The following OTUD4 variants were observed in gnomAD, a reference collection of about 807,000 sequenced individuals.
OTUD4 encodes the protein OTU domain-containing protein 4.
OTUD4 carries 24 observed loss-of-function variants against 130.4 expected under a neutral mutation model. The observed-to-expected ratio is 0.18, with a 90% confidence interval of 0.13 to 0.26. OTUD4 has a LOEUF of 0.26. OTUD4 is among the 10% of genes least tolerant of loss of function. OTUD4 has a pLI of 1.00. For synonymous variants in OTUD4, 420 were observed against 472.5 expected (o/e 0.89, Z 1.44); for missense variants, 1,031 against 1,329.4 (o/e 0.78, Z 3.49).
Position 145,137,838 on chromosome 4 carries a change from A to G in OTUD4, c.2937T>C (p.Leu979=), listed in dbSNP as rs748097244. The G allele has an allele frequency of 1.2e-6, 2 of 1,614,038 alleles. No individual in the cohort carries two copies. The highest frequency in any genetic ancestry group is 2.2e-5 in the South Asian group (2 of 91,080). The change falls in exon 21 of 21, where the codon CTT becomes CTC. Residue 979 remains leucine, a synonymous_variant. Coordinates refer to ENST00000447906, the MANE Select transcript of OTUD4 (RefSeq NM_001366057.1). ...GGCTTTGAATGGTCCTTTTAGGTTC[A>G]AGTTCAACAGGCACAGTTTCTCTCT... is the stretch of plus-strand genomic sequence containing the variant. The part of the protein sequence containing the change: ...NRERETVPVE[L]EPKRTIQSLK...
Position 145,134,191 on chromosome 4 carries a change from C to T in OTUD4, c.*3239G>A, listed in dbSNP as rs1245014238. The T allele has an allele frequency of 6.6e-6, 1 of 152,510 alleles. No homozygotes were observed. 9.4% of individuals were successfully genotyped at this position (152,510 alleles called of 1,614,324 possible). ...ACATTAGTAGCAAAACCTTAGTTATCTGAAAATAACATATTGGAAATGAGA... is the reference window on the plus strand; with the variant it reads ...ACATTAGTAGCAAAACCTTAGTTATTTGAAAATAACATATTGGAAATGAGA... On this transcript the variant is annotated 3_prime_UTR_variant, in exon 21 of 21. Transcript: ENST00000447906.
chr4:145,148,479 A>C (rs180952948), intron 13 of OTUD4, among the ~76,000 whole-genome samples: 134 of 152,092 alleles, frequency 8.8e-4, no homozygotes, highest in Middle Eastern at 3.4e-3. Context: ...AGCCTGGGCA[A>C]CAAGAGTGAA....
Position 145,178,097 on chromosome 4 carries a change from C to G in OTUD4, c.159+1718G>C, listed in dbSNP as rs1752512768. 2.0e-5 allele frequency: 3 copies of G among 152,272 alleles called. No individual in the cohort carries two copies. In the South Asian group the frequency reaches 6.2e-4, roughly 32 times the overall value. The allele number at this position is 152,272 out of a possible 1,614,324, so 9.4% of individuals were successfully genotyped here. A position where few individuals can be genotyped will look rare whatever the true frequency, so the allele number is the denominator to read the frequency against. On this transcript the variant is annotated intron_variant, in intron 1 of 20. Transcript: ENST00000447906. ...GGTAGTCCCTTATGCCTAACCTAAACCCCATTACAAAATACAATAAAATGT... is the reference window on the plus strand; with the variant it reads ...GGTAGTCCCTTATGCCTAACCTAAAGCCCATTACAAAATACAATAAAATGT...
Position 145,136,363 on chromosome 4 carries a change from G to T in OTUD4, c.*1067C>A, listed in dbSNP as rs1384703745. On this transcript the variant is annotated 3_prime_UTR_variant, in exon 21 of 21. Transcript: ENST00000447906. ...TTTTCTAGCAGCATCCTCTAGAAAA[G>T]AACTAGAAGTCACAATCATATTATC... 1.4e-5 allele frequency: 2 copies of T among 145,838 alleles called. No individual in the cohort carries two copies. Among genetic ancestry groups the T allele is most frequent in the African/African-American group, 5.2e-5 (2 of 38,548 alleles). 9.0% of individuals were successfully genotyped at this position (145,838 alleles called of 1,614,324 possible). A position where few individuals can be genotyped will look rare whatever the true frequency, so the allele number is the denominator to read the frequency against.
At chr4:145,159,041 G>T in intron 7 of OTUD4, 1 of 397,718 alleles carries the variant, frequency 2.5e-6, no homozygotes, top group Non-Finnish European at 3.5e-6. Context: ...CCTACACAGA[G>T]GCATTATCCA....
At chr4:145,153,006 A>G (rs1458125774) in intron 10 of OTUD4, among the ~76,000 whole-genome samples, 2 of 151,992 alleles carry the variant, frequency 1.3e-5, no homozygotes, top group Non-Finnish European at 2.9e-5. Flanking sequence ...AAGTGCTGGG[A>G]TTACAGGCGT....
chr4:145,144,461 T>C, intron 14 of OTUD4, 27 bp from the exon 15 acceptor site: 1 of 1,601,066 alleles, frequency 6.2e-7, no homozygotes, highest in Non-Finnish European at 8.5e-7. Flanking sequence ...ACCCAACATT[T>C]TGTGTTAAAG....
chr4:145,161,989 T>C (rs924464622), intron 6 of OTUD4, among the ~76,000 whole-genome samples: 3 of 152,184 alleles, frequency 2.0e-5, no homozygotes, highest in African/African-American at 4.8e-5. Flanking sequence ...TTGCTTCACT[T>C]TGAAACAAGG....
chr4:145,152,147 G>A (rs978588620), intron 11 of OTUD4, among the ~76,000 whole-genome samples: 6 of 152,082 alleles, frequency 3.9e-5, no homozygotes, highest in Middle Eastern at 3.4e-3. Context: ...TTTTTAAGAC[G>A]AAGTCTAGCT....
chr4:145,170,665 A>G (rs1216480814), intron 3 of OTUD4: 1 of 152,224 alleles, frequency 6.6e-6, no homozygotes, highest in African/African-American at 2.4e-5. Flanking sequence ...TTCTTGGCCC[A>G]TAACAAGCAC....
intron 7 of OTUD4, 31 bp from the exon 8 acceptor site, chr4:145,156,027 G>A (rs1178982885): frequency 1.9e-6 from 3 of 1,577,644 alleles, no homozygotes; most frequent in Non-Finnish European, 2.6e-6. Flanking sequence ...AATTGGGGCA[G>A]AAAAAGGTAT....
chr4:145,138,358 C>T lies in OTUD4; in HGVS notation c.2417G>A (p.Gly806Glu). ...IPPSQVSESH[G>E]QLSYQADLES... ...AAGATCAGCCTGGTAAGACAATTGTCCATGACTTTCAGACACCTGAGATGG... is the reference window on the plus strand; with the variant it reads ...AAGATCAGCCTGGTAAGACAATTGTTCATGACTTTCAGACACCTGAGATGG... Residue 806 changes from glycine (G) to glutamate (E), a missense_variant, in exon 21 of 21, where the codon GGA becomes GAA. Gly to Glu is a moderately conservative substitution (Grantham distance 98). Around this residue, in one of 3 missense-constraint regions of OTUD4, gnomAD observed 900 missense variants for 1,095.9 expected, o/e 0.82. Transcript: ENST00000447906. 6.2e-7 allele frequency: 1 copy of T among 1,614,146 alleles called. No homozygotes were observed. The highest frequency in any genetic ancestry group is 8.5e-7 in the Non-Finnish European group (1 of 1,179,994).
At chr4:145,178,042 A>G (rs1156855401) in intron 1 of OTUD4, 1 of 152,254 alleles carries the variant, frequency 6.6e-6, no homozygotes, top group Non-Finnish European at 1.5e-5. Context: ...TAAGCTCATC[A>G]GACTAAAACT....
chr4:145,158,495 A>G (rs1431546418), intron 7 of OTUD4, among the ~76,000 whole-genome samples: 1 of 151,692 alleles, frequency 6.6e-6, no homozygotes, highest in Non-Finnish European at 1.5e-5. Flanking sequence ...AACAAAACAA[A>G]ACAAAACAAA....
chr4:145,139,980 G>T lies in OTUD4; in HGVS notation c.2095C>A (p.Leu699Ile). 1.2e-6 allele frequency: 1 copy of T among 813,542 alleles called. No homozygotes were observed. The highest frequency in any genetic ancestry group is 1.6e-5 in the South Asian group (1 of 63,010). 50.4% of individuals were successfully genotyped at this position (813,542 alleles called of 1,614,324 possible). A position where few individuals can be genotyped will look rare whatever the true frequency, so the allele number is the denominator to read the frequency against. Reference protein sequence around the residue: ...GEDLPKDKNILRFFFNLGVKA... With the variant: ...GEDLPKDKNIIRFFFNLGVKA... ...ACACCAAGATTGAAGAAGAATCGAA[G>T]AATATTCTTATCTAAAAATAAAAGT... The change falls in exon 20 of 21, where the codon CTT becomes ATT. Residue 699 changes from leucine (L) to isoleucine (I), a missense_variant. Coordinates refer to ENST00000447906, the MANE Select transcript of OTUD4 (RefSeq NM_001366057.1).
intron 1 of OTUD4, chr4:145,178,665 G>A (rs991519326): frequency 6.6e-6 from 1 of 152,136 alleles, no homozygotes. Flanking sequence ...GTTTGTGTCC[G>A]TTAAATCAAT....
Position 145,138,130 on chromosome 4 carries a change from A to C in OTUD4, c.2645T>G (p.Leu882Arg). The change falls in exon 21 of 21, where the codon CTG becomes CGG. Residue 882 changes from leucine (L) to arginine (R), a missense_variant. Around this residue, in one of 3 missense-constraint regions of OTUD4, gnomAD observed 900 missense variants for 1,095.9 expected, o/e 0.82. Transcript: ENST00000447906. ...ENPVMRQNIV[L>R]PSDEKGELDL... ...CAATTCTCCTTTTTCATCAGAGGGC[A>C]GGACAATATTCTGCCTCATTACTGG... is the stretch of plus-strand genomic sequence containing the variant. 1 of 1,613,990 alleles carries C rather than the reference A, an allele frequency of 6.2e-7. No homozygotes were observed. The highest frequency in any genetic ancestry group is 8.5e-7 in the Non-Finnish European group (1 of 1,179,854).
intron 7 of OTUD4, 98 bp downstream of exon 7, chr4:145,159,405 A>AAT: frequency 6.3e-7 from 1 of 1,587,050 alleles, no homozygotes; most frequent in South Asian, 1.1e-5. Context: ...TTAATACCTC[A>AAT]ATATATGTTA....
chr4:145,146,493 ATTC>A (rs1365439184), intron 13 of OTUD4, 64 bp from the exon 14 acceptor site: 4 of 966,018 alleles, frequency 4.1e-6, no homozygotes, highest in Admixed American at 3.8e-5. Context: ...TAAATAAAAC[ATTC>A]TTGTCAAAAA....
Sources: gnomAD v4.1 joint callset for allele counts (sites outside exome capture counted in the v4.1 genomes callset) on GRCh38, gnomAD v4.1.1 for gene constraint, gnomAD v4.1.1 regional missense constraint, MANE v1.5 for transcripts, NCBI Gene and HGNC (gene_info 2026-07-23, HGNC 2026-07-21) for gene names.